STON2: variants seen among roughly 807,000 people sequenced by gnomAD.
The protein encoded by STON2 is stonin 2.
Under a neutral mutation model 65.7 loss-of-function variants are expected in STON2, and 29 were observed. The ratio of observed to expected loss-of-function variants is 0.44; its 90% CI spans 0.33 to 0.60. STON2 has a LOEUF of 0.60. STON2 is among the 20% of genes least tolerant of loss of function. The pLI is 0.03. For synonymous variants in STON2, 404 were observed against 414.2 expected (o/e 0.98, Z 0.30); for missense variants, 1,054 against 1,118.1 (o/e 0.94, Z 0.82).
At chr14:81,427,332 C>T (rs1410559435) in intron 1 of STON2, 2 of 152,306 alleles carry the variant, frequency 1.3e-5, no homozygotes, top group Non-Finnish European at 2.9e-5. Context: ...ACCCTCTTCA[C>T]AGGAAAATGG....
intron 5 of STON2, among the ~76,000 whole-genome samples, chr14:81,313,885 A>G (rs1020759160): frequency 1.3e-5 from 2 of 152,116 alleles, no homozygotes; most frequent in African/African-American, 4.8e-5. Context: ...AAGTATGATG[A>G]AAGAAAATAA....
intron 2 of STON2, among the ~76,000 whole-genome samples, chr14:81,407,817 T>C (rs1158424659): frequency 6.6e-6 from 1 of 152,244 alleles, no homozygotes; most frequent in Non-Finnish European, 1.5e-5. Flanking sequence ...TCAGCTACCT[T>C]ATTGAGCATC....
rs536099009 is a variant in STON2 at position 81,364,739 on chromosome 14, C to G, written c.571+6249G>C. Among the ~76,000 whole-genome samples the G allele has an allele frequency of 1.2e-4, 18 of 152,226 alleles. No individual in the cohort carries two copies. The East Asian group carries it at 2.9e-3, about 24-fold the overall frequency. On this transcript the variant is annotated intron_variant, in intron 4 of 7. Coordinates refer to ENST00000614646, the MANE Select transcript of STON2 (RefSeq NM_001394390.1). Reference sequence around the variant, plus strand: ...CTCCAACAAAGGGGGCACAGCGTGACCTAATACACTGGCCCCAGCATCTGG... The same window carrying G: ...CTCCAACAAAGGGGGCACAGCGTGAGCTAATACACTGGCCCCAGCATCTGG...
intron 4 of STON2, chr14:81,333,054 C>A: frequency 2.9e-6 from 2 of 680,366 alleles, no homozygotes; most frequent in Non-Finnish European, 5.0e-6. Flanking sequence ...TTCTTGAGTT[C>A]TTTTTCTTCT....
chr14:81,270,784 G>C lies in STON2; in HGVS notation c.2670C>G (p.Val890=). 6.2e-7 allele frequency: 1 copy of C among 1,614,080 alleles called. No homozygotes were observed. Among genetic ancestry groups the C allele is most frequent in the Non-Finnish European group, 8.5e-7 (1 of 1,180,012 alleles). The change falls in exon 7 of 8, where the codon GTC becomes GTG. Residue 890 remains valine (V), a synonymous_variant. Coordinates refer to ENST00000614646, the MANE Select transcript of STON2 (RefSeq NM_001394390.1). ...VPSRFANHVN[V]EFSMPTTSAS... ...CAGAAGTTGTGGGCATGCTGAACTC[G>C]ACATTCACGTGATTGGCAAATCTGG...
chr14:81,376,815 C>A (rs563606724), intron 3 of STON2, among the ~76,000 whole-genome samples: 5 of 152,204 alleles, frequency 3.3e-5, no homozygotes, highest in Admixed American at 2.6e-4. Flanking sequence ...ATTGAGTTAT[C>A]CAATTTATAC....
chr14:81,319,837 C>T (rs1044394037), intron 5 of STON2, among the ~76,000 whole-genome samples: 3 of 152,128 alleles, frequency 2.0e-5, no homozygotes, highest in African/African-American at 4.8e-5. Context: ...TTAATAGAAC[C>T]CCTCCATCCA....
At chr14:81,364,791 C>T (rs557413245) in intron 4 of STON2, among the ~76,000 whole-genome samples, 98 of 152,252 alleles carry the variant, frequency 6.4e-4, no homozygotes, top group African/African-American at 2.3e-3. Context: ...GCATGGGACA[C>T]ACTTTGGAAA....
At chr14:81,322,641 C>G (rs1896862470) in intron 5 of STON2, among the ~76,000 whole-genome samples, 1 of 152,216 alleles carries the variant, frequency 6.6e-6, no homozygotes, top group South Asian at 2.1e-4. Context: ...AAAAGACATA[C>G]TACTGCACTT....
At chr14:81,405,460 G>GTTTTTTTTTTTTTTTTT (rs376505307) in intron 2 of STON2, among the ~76,000 whole-genome samples, 2 of 63,314 alleles carry the variant, frequency 3.2e-5, no homozygotes, top group African/African-American at 1.0e-4. Context: ...AGTTACTATT[G>GTTTTTTTTTTTTTTTTT]TTTTTTTTTT....
At chr14:81,315,942 C>T (rs1896602655) in intron 5 of STON2, among the ~76,000 whole-genome samples, 1 of 152,140 alleles carries the variant, frequency 6.6e-6, no homozygotes, top group African/African-American at 2.4e-5. Flanking sequence ...CCAAGATAAC[C>T]AGCTTATCTA....
At chr14:81,393,579 T>A (rs1900179099) in intron 3 of STON2, among the ~76,000 whole-genome samples, 1 of 152,222 alleles carries the variant, frequency 6.6e-6, no homozygotes, top group Non-Finnish European at 1.5e-5. Flanking sequence ...CTGAGTCTCC[T>A]CCACCATGTG....
intron 2 of STON2, among the ~76,000 whole-genome samples, chr14:81,425,636 G>A (rs1901932834): frequency 6.6e-6 from 1 of 151,940 alleles, no homozygotes; most frequent in African/African-American, 2.4e-5. Flanking sequence ...CTTCTTACCT[G>A]GCTCATGGTG....
In STON2 at chr14:81,285,635, A is replaced by C. The variant is rs182424106; in HGVS notation, c.743-6896T>G. On this transcript the variant is annotated intron_variant, in intron 5 of 7. Coordinates refer to ENST00000614646, the MANE Select transcript of STON2 (RefSeq NM_001394390.1). ...AGTTGCATCTTATGGATGAGAAAAT[A>C]AAGTATTTTCTTGAGATAGAATCTA... 1.7e-3 allele frequency among the ~76,000 whole-genome samples: 265 copies of C among 152,282 alleles called. 2 individuals carry two copies. The highest frequency in any genetic ancestry group is 2.9e-3 in the Non-Finnish European group (195 of 68,022).
At chr14:81,431,200 G>A (rs1902211589) in intron 1 of STON2, among the ~76,000 whole-genome samples, 1 of 152,134 alleles carries the variant, frequency 6.6e-6, no homozygotes, top group South Asian at 2.1e-4. Context: ...AGAATCCTGG[G>A]GGAGTTTCTC....
intron 2 of STON2, among the ~76,000 whole-genome samples, chr14:81,411,592 G>T (rs1264782894): frequency 6.6e-6 from 1 of 152,122 alleles, no homozygotes; most frequent in Non-Finnish European, 1.5e-5. Flanking sequence ...CTGTAATCCT[G>T]GTCACTCCAG....
In STON2 at chr14:81,355,545, G is replaced by A. The variant is rs1223706073; in HGVS notation, c.571+15443C>T. 3.3e-5 allele frequency among the ~76,000 whole-genome samples: 5 copies of A among 152,098 alleles called. No homozygotes were observed. The East Asian group carries it at 5.8e-4, about 18-fold the overall frequency. ...AACCAAGAATACTTCGTTCAACAAAGCTGCCTCTGAAATGAGGGAAAAATA... is the reference window on the plus strand; with the variant it reads ...AACCAAGAATACTTCGTTCAACAAAACTGCCTCTGAAATGAGGGAAAAATA... On this transcript the variant is annotated intron_variant, in intron 4 of 7. Transcript: ENST00000614646.
intron 2 of STON2, among the ~76,000 whole-genome samples, chr14:81,415,668 C>CAAAAA (rs35270491): frequency 3.8e-4 from 29 of 77,260 alleles, no homozygotes; most frequent in African/African-American, 1.2e-3. Context: ...GACTCCATCG[C>CAAAAA]AAAAAAAAAA....
At chr14:81,307,386 G>A (rs1234653195) in intron 5 of STON2, among the ~76,000 whole-genome samples, 3 of 152,146 alleles carry the variant, frequency 2.0e-5, no homozygotes, top group Non-Finnish European at 1.5e-5. Flanking sequence ...AACTCACTTG[G>A]ACTCAAAGCT....
Sources: gnomAD v4.1 joint callset for allele counts (sites outside exome capture counted in the v4.1 genomes callset) on GRCh38, gnomAD v4.1.1 for gene constraint, MANE v1.5 for transcripts, NCBI Gene and HGNC (gene_info 2026-07-23, HGNC 2026-07-21) for gene names.